Variants in LPIN2 observed in about 807,000 individuals in gnomAD.
LPIN2 encodes the protein lipin 2, also known as phosphatidate phosphatase LPIN2.
In LPIN2, 55 loss-of-function variants were observed where a neutral mutation model predicts 111.4. The ratio of observed to expected loss-of-function variants is 0.49; its 90% CI spans 0.40 to 0.62. The LOEUF (loss-of-function observed/expected upper bound fraction) is 0.62, where lower values mean the gene tolerates loss of function less well. Among genes scored for constraint, LPIN2 ranks in the 20% least tolerant of loss-of-function variants. The pLI, the probability that LPIN2 is intolerant of heterozygous loss-of-function variation, is 0.00. For missense variants in LPIN2, 992 were observed against 1,112.1 expected (o/e 0.89, Z 1.54); for synonymous variants, 425 against 414.0 (o/e 1.03, Z -0.32).
At chr18:2,941,454 T>C (rs2077365807) in intron 4 of LPIN2, among the ~76,000 whole-genome samples, 1 of 152,228 alleles carries the variant, frequency 6.6e-6, no homozygotes, top group East Asian at 1.9e-4. Context: ...GTTTCTCAGA[T>C]TTTCAGTTAC....
intron 4 of LPIN2, among the ~76,000 whole-genome samples, chr18:2,943,982 A>C (rs1474638201): frequency 6.6e-6 from 1 of 152,206 alleles, no homozygotes; most frequent in Admixed American, 6.5e-5. Context: ...GGAAAAGAAA[A>C]GACTCAAGGG....
chr18:2,960,485 T>A, intron 2 of LPIN2, 164 bp downstream of exon 2: 1 of 696,776 alleles, frequency 1.4e-6, no homozygotes, highest in Non-Finnish European at 2.5e-6. Context: ...GGTTGACTTC[T>A]CGTAACATTG....
At chr18:2,921,701 G>A in intron 17 of LPIN2, 54 bp from the exon 18 acceptor site, 1 of 1,287,196 alleles carries the variant, frequency 7.8e-7, no homozygotes, top group South Asian at 1.2e-5. Context: ...GTTTTCCCCA[G>A]TGAGTGGTCC....
intron 15 of LPIN2, among the ~76,000 whole-genome samples, 190 bp downstream of exon 15, chr18:2,924,208 C>T (rs2077097850): frequency 6.6e-6 from 1 of 152,172 alleles, no homozygotes; most frequent in African/African-American, 2.4e-5. Context: ...GTTATGCACC[C>T]TCACCATCTC....
intron 1 of LPIN2, among the ~76,000 whole-genome samples, chr18:3,009,877 A>G (rs2078574017): frequency 6.6e-6 from 1 of 152,234 alleles, no homozygotes; most frequent in Non-Finnish European, 1.5e-5. Context: ...TTACTTTATC[A>G]TCATTTTAAT....
Position 2,965,373 on chromosome 18 carries a change from A to C in LPIN2, c.-9-4524T>G, listed in dbSNP as rs142273336. On this transcript the variant is annotated intron_variant, in intron 1 of 19. Coordinates refer to ENST00000677752, the MANE Select transcript of LPIN2 (RefSeq NM_001375808.2). ...TCACCAAAAGTTTGAAGATCAGCTT[A>C]GCATCTTTTGCTGAGCATCAAAGAA... 2.2e-4 allele frequency among the ~76,000 whole-genome samples: 33 copies of C among 152,346 alleles called. No individual in the cohort carries two copies. The East Asian group carries it at 5.2e-3, about 24-fold the overall frequency.
At chr18:2,949,066 G>A (rs919919222) in intron 4 of LPIN2, among the ~76,000 whole-genome samples, 1 of 152,200 alleles carries the variant, frequency 6.6e-6, no homozygotes, top group Admixed American at 6.5e-5. Flanking sequence ...GCCTCCCAAA[G>A]TGCTGGGATT....
intron 1 of LPIN2, among the ~76,000 whole-genome samples, chr18:2,984,819 G>A (rs1434213976): frequency 6.6e-6 from 1 of 152,062 alleles, no homozygotes; most frequent in Non-Finnish European, 1.5e-5. Flanking sequence ...CCAGTTTCTG[G>A]TTCAGTGCTT....
At chr18:2,927,024 G>C (rs980151437) in intron 12 of LPIN2, among the ~76,000 whole-genome samples, 1 of 152,174 alleles carries the variant, frequency 6.6e-6, no homozygotes, top group African/African-American at 2.4e-5. Flanking sequence ...AGACCCAGAA[G>C]GAAAACATTT....
chr18:2,972,914 C>T (rs2077945297), intron 1 of LPIN2, among the ~76,000 whole-genome samples: 1 of 152,204 alleles, frequency 6.6e-6, no homozygotes, highest in African/African-American at 2.4e-5. Context: ...GTTTTGACCT[C>T]TGTACATGAG....
At chr18:3,006,946 G>A (rs1238126695) in intron 1 of LPIN2, among the ~76,000 whole-genome samples, 4 of 151,714 alleles carry the variant, frequency 2.6e-5, no homozygotes, top group Non-Finnish European at 5.9e-5. Context: ...GCTGCAGTGA[G>A]CTGAGATAGC....
At chr18:2,994,367 A>G (rs774340084) in intron 1 of LPIN2, among the ~76,000 whole-genome samples, 14 of 152,036 alleles carry the variant, frequency 9.2e-5, no homozygotes, top group Non-Finnish European at 1.8e-4. Flanking sequence ...AGATGTGTGC[A>G]GCAGACCTAT....
chr18:2,927,916 G>A (rs995105869), intron 11 of LPIN2, 105 bp from the exon 12 acceptor site: 13 of 918,834 alleles, frequency 1.4e-5, no homozygotes, highest in Non-Finnish European at 2.2e-5. Flanking sequence ...ATGTGAGAAC[G>A]TGACCGATGC....
intron 7 of LPIN2, among the ~76,000 whole-genome samples, chr18:2,935,219 G>A (rs1280717091): frequency 6.6e-6 from 1 of 152,066 alleles, no homozygotes; most frequent in Non-Finnish European, 1.5e-5. Flanking sequence ...TTATATTTTG[G>A]ATTTATTGGC....
In LPIN2 at chr18:3,005,704, CACAG is replaced by C. The variant is rs200499048; in HGVS notation, c.-10+7379_-10+7382del. 6.7e-3 allele frequency among the ~76,000 whole-genome samples: 1,018 copies of C among 151,210 alleles called. 12 individuals are homozygous for C. The highest frequency in any genetic ancestry group is 0.023 in the African/African-American group (941 of 40,896). ...ACACACACACACACACACACACACA[CACAG>C]CTTATCCAGTTCTACCTAATAAACG... On this transcript the variant is annotated intron_variant, in intron 1 of 19. Transcript: ENST00000677752.
At chr18:2,921,502 C>T (rs144497044) in intron 18 of LPIN2, 31 bp downstream of exon 18, 3 of 1,514,732 alleles carry the variant, frequency 2.0e-6, no homozygotes, top group East Asian at 4.5e-5. Flanking sequence ...ATTTCACCCA[C>T]ATCAGAACCC....
At chr18:2,989,575 A>G (rs1016421213) in intron 1 of LPIN2, among the ~76,000 whole-genome samples, 3 of 151,550 alleles carry the variant, frequency 2.0e-5, no homozygotes, top group African/African-American at 7.3e-5. Context: ...AATAATACTG[A>G]AAAAGAGCTA....
intron 4 of LPIN2, chr18:2,946,799 TAAC>T (rs1422160577): frequency 4.4e-6 from 2 of 451,694 alleles, no homozygotes; most frequent in Admixed American, 3.5e-5. Flanking sequence ...CTAACTCTGT[TAAC>T]AACGTCTAGC....
intron 1 of LPIN2, among the ~76,000 whole-genome samples, chr18:2,979,474 A>T (rs989027151): frequency 4.6e-5 from 7 of 152,206 alleles, no homozygotes; most frequent in African/African-American, 1.7e-4. Context: ...AAACAAAAAA[A>T]AATTGATTTA....
Sources: allele counts gnomAD v4.1 joint callset (sites outside exome capture counted in the v4.1 genomes callset), GRCh38; gene constraint gnomAD v4.1.1; transcripts MANE v1.5; gene names NCBI Gene and HGNC (gene_info 2026-07-23, HGNC 2026-07-21).